Variants in CDK8 observed in about 807,000 individuals in gnomAD.
CDK8 encodes the protein cyclin-dependent kinase 8.
Under a neutral mutation model 71.5 loss-of-function variants are expected in CDK8, and 29 were observed. The ratio of observed to expected loss-of-function variants is 0.41; its 90% CI spans 0.30 to 0.55. The LOEUF is 0.55. Among genes scored for constraint, CDK8 ranks in the 20% least tolerant of loss-of-function variants. The pLI is 0.37. For missense variants in CDK8, 288 were observed against 572.6 expected, an observed-to-expected ratio of 0.50 and a Z score of 5.07; for synonymous variants, 161 against 192.1, an observed-to-expected ratio of 0.84 and a Z score of 1.34.
intron 1 of CDK8, among the ~76,000 whole-genome samples, chr13:26,281,155 A>C (rs1412127235): frequency 2.0e-5 from 3 of 152,230 alleles, no homozygotes. Flanking sequence ...CCATGTGACA[A>C]CACTGCTAGC....
chr13:26,338,007 A>C (rs1873065454), intron 2 of CDK8, among the ~76,000 whole-genome samples: 1 of 152,112 alleles, frequency 6.6e-6, no homozygotes, highest in Non-Finnish European at 1.5e-5. Context: ...GTTATGTCAA[A>C]TTAAAATGAG....
chr13:26,344,896 CAATAGTGATAAA>C, intron 2 of CDK8, among the ~76,000 whole-genome samples: 1 of 152,064 alleles, frequency 6.6e-6, no homozygotes, highest in South Asian at 2.1e-4. Flanking sequence ...GTACACTCTA[CAATAGTGATAAA>C]AAGTGTAATG....
chr13:26,347,318 T>C (rs1873499664), intron 2 of CDK8, among the ~76,000 whole-genome samples: 1 of 152,220 alleles, frequency 6.6e-6, no homozygotes. Flanking sequence ...GTAATTTAAA[T>C]GCCTGAAATT....
intron 1 of CDK8, among the ~76,000 whole-genome samples, chr13:26,321,717 T>G (rs1426557539): frequency 6.6e-6 from 1 of 152,048 alleles, no homozygotes; most frequent in Non-Finnish European, 1.5e-5. Flanking sequence ...AAGAAGAAAT[T>G]ATCTCATCTT....
chr13:26,346,772 A>T (rs1418865475), intron 2 of CDK8, among the ~76,000 whole-genome samples: 1 of 152,244 alleles, frequency 6.6e-6, no homozygotes, highest in Non-Finnish European at 1.5e-5. Flanking sequence ...ACCTGAACTT[A>T]ATCTTGCTTC....
chr13:26,382,329 T>C (rs1875267056), intron 4 of CDK8, among the ~76,000 whole-genome samples: 1 of 152,238 alleles, frequency 6.6e-6, no homozygotes, highest in Non-Finnish European at 1.5e-5. Context: ...GTTTCTAAAG[T>C]ACTTTATTAA....
At chr13:26,353,653 G>A in intron 3 of CDK8, 87 bp from the exon 4 acceptor site, 1 of 1,076,028 alleles carries the variant, frequency 9.3e-7, no homozygotes, top group South Asian at 1.5e-5. Flanking sequence ...ATCCCTGAGT[G>A]TTTCTTTTTC....
At chr13:26,372,025 A>T (rs1305880247) in intron 4 of CDK8, among the ~76,000 whole-genome samples, 1 of 152,136 alleles carries the variant, frequency 6.6e-6, no homozygotes, top group African/African-American at 2.4e-5. Context: ...GCATTTAGGG[A>T]TATATAAGAG....
intron 2 of CDK8, among the ~76,000 whole-genome samples, chr13:26,338,158 A>T (rs970507293): frequency 1.3e-5 from 2 of 152,200 alleles, no homozygotes; most frequent in East Asian, 3.9e-4. Context: ...CTTTGGGTTA[A>T]TGCATTAATA....
At chr13:26,364,771 T>C (rs1874306123) in intron 4 of CDK8, among the ~76,000 whole-genome samples, 1 of 152,212 alleles carries the variant, frequency 6.6e-6, no homozygotes, top group African/African-American at 2.4e-5. Flanking sequence ...AATAGCCATA[T>C]ATACACTTTC....
rs181283028 is a variant in CDK8, at chr13:26,332,314, A to G, written c.129-5253A>G. 7.9e-5 allele frequency among the ~76,000 whole-genome samples: 12 copies of G among 151,836 alleles called. 1 individual carries two copies. Among genetic ancestry groups the G allele is most frequent in the Non-Finnish European group, 1.2e-4 (8 of 67,934 alleles). ...CAGCCTGACCAACAAGTGAAACCCT[A>G]TCTCTACTAAAAATACAAAAATTAG... On this transcript the variant is annotated intron_variant, in intron 1 of 12. Coordinates refer to ENST00000381527, the MANE Select transcript of CDK8 (RefSeq NM_001260.3).
Position 26,404,174 on chromosome 13 carries a change from T to A in CDK8, c.*93T>A. 2 of 1,425,890 alleles carry A rather than the reference T, an allele frequency of 1.4e-6. No homozygotes were observed. Among genetic ancestry groups the A allele is most frequent in the Non-Finnish European group, 1.9e-6 (2 of 1,041,100 alleles). 88.3% of individuals were successfully genotyped at this position (1,425,890 alleles called of 1,614,324 possible). ...GAACCTGGTATGGGCCATGAGAATG[T>A]ACTGTACAACCACATCTTCAAAATG... On this transcript the variant is annotated 3_prime_UTR_variant, in exon 13 of 13. Coordinates refer to ENST00000381527, the MANE Select transcript of CDK8 (RefSeq NM_001260.3).
At chr13:26,347,176 A>T (rs1272005316) in intron 2 of CDK8, among the ~76,000 whole-genome samples, 4 of 152,154 alleles carry the variant, frequency 2.6e-5, no homozygotes, top group African/African-American at 9.7e-5. Flanking sequence ...GAGACAAAAT[A>T]TTTTAAATAA....
intron 1 of CDK8, among the ~76,000 whole-genome samples, chr13:26,293,250 T>C (rs774553244): frequency 5.9e-5 from 9 of 152,242 alleles, no homozygotes; most frequent in African/African-American, 1.9e-4. Context: ...ACCTTACTTA[T>C]ATTTCATGGA....
At position 26,337,636 on chromosome 13, in the gene CDK8, A is replaced by G; in HGVS notation, c.198A>G (p.Glu66=). 1.4e-6 allele frequency: 2 copies of G among 1,423,568 alleles called. No homozygotes were observed. Among genetic ancestry groups the G allele is most frequent in the Non-Finnish European group, 9.3e-7 (1 of 1,079,026 alleles). 88.2% of individuals were successfully genotyped at this position (1,423,568 alleles called of 1,614,324 possible). The change falls in exon 2 of 13, where the codon GAA becomes GAG. Residue 66 remains glutamate (E), a synonymous_variant. Transcript: ENST00000381527. The part of the protein sequence containing the change: ...GTGISMSACR[E]IALLRELKHP... Reference sequence around the variant, plus strand: ...GGATCTCTATGTCGGCATGTAGAGAAATAGCAGTAAGTGAAGTTCTTTTTA... The same window carrying G: ...GGATCTCTATGTCGGCATGTAGAGAGATAGCAGTAAGTGAAGTTCTTTTTA...
At chr13:26,357,711 A>G (rs1284720242) in intron 4 of CDK8, among the ~76,000 whole-genome samples, 8 of 152,212 alleles carry the variant, frequency 5.3e-5, no homozygotes, top group Non-Finnish European at 1.0e-4. Flanking sequence ...GGCTTGGTAA[A>G]TCCAAAATCT....
intron 1 of CDK8, among the ~76,000 whole-genome samples, chr13:26,330,956 C>T (rs1331752716): frequency 6.6e-6 from 1 of 152,152 alleles, no homozygotes; most frequent in Non-Finnish European, 1.5e-5. Flanking sequence ...AGTGGATACC[C>T]AGTAGTGGGA....
chr13:26,273,526 T>C (rs1355762679), intron 1 of CDK8, among the ~76,000 whole-genome samples: 1 of 152,104 alleles, frequency 6.6e-6, no homozygotes, highest in Non-Finnish European at 1.5e-5. Flanking sequence ...ATGAAAGTCA[T>C]TTATTTGGTA....
At chr13:26,355,639 A>T (rs1873864519) in intron 4 of CDK8, among the ~76,000 whole-genome samples, 1 of 152,186 alleles carries the variant, frequency 6.6e-6, no homozygotes, top group Non-Finnish European at 1.5e-5. Flanking sequence ...AACAAAAAAT[A>T]GATTTACATA....
Sources: gnomAD v4.1 joint callset for allele counts (sites outside exome capture counted in the v4.1 genomes callset) on GRCh38, gnomAD v4.1.1 for gene constraint, MANE v1.5 for transcripts, NCBI Gene and HGNC (gene_info 2026-07-23, HGNC 2026-07-21) for gene names.